Variants in SLC9A1 observed in about 807,000 individuals in gnomAD.
The protein encoded by SLC9A1 is solute carrier family 9 member A1.
A neutral mutation model predicts 67.9 loss-of-function variants in SLC9A1; 22 were observed. That is an observed-to-expected ratio of 0.32 (90% confidence interval 0.23 to 0.46). SLC9A1 has a LOEUF of 0.46. SLC9A1 is among the 20% of genes least tolerant of loss of function. SLC9A1 has a pLI of 1.00. For synonymous variants in SLC9A1, 421 were observed against 471.8 expected, an observed-to-expected ratio of 0.89 and a Z score of 1.40; for missense variants, 686 against 1,094.8, an observed-to-expected ratio of 0.63 and a Z score of 5.27.
intron 1 of SLC9A1, among the ~76,000 whole-genome samples, chr1:27,133,959 T>C (rs765519444): frequency 4.6e-5 from 7 of 151,948 alleles, no homozygotes; most frequent in Non-Finnish European, 8.8e-5. Context: ...GAGACGGAGT[T>C]TCACCATCTT....
intron 1 of SLC9A1, among the ~76,000 whole-genome samples, chr1:27,149,687 G>C (rs935319193): frequency 6.6e-6 from 1 of 152,206 alleles, no homozygotes; most frequent in East Asian, 1.9e-4. Flanking sequence ...CAGCCTCTAC[G>C]TTGGTCTTAA....
intron 1 of SLC9A1, among the ~76,000 whole-genome samples, chr1:27,153,603 G>C (rs528480054): frequency 6.6e-6 from 1 of 152,364 alleles, no homozygotes; most frequent in East Asian, 1.9e-4. Context: ...TGACAGAGCA[G>C]AATGTGCCAC....
rs538760007 is a variant in SLC9A1, at chr1:27,141,094, G to A, written c.352+12889C>T. Among the ~76,000 whole-genome samples, 13 of 152,296 alleles carry A rather than the reference G, an allele frequency of 8.5e-5. No homozygotes were observed. The South Asian group carries it at 2.7e-3, about 32-fold the overall frequency. ...GTGGTGGCACAAGCCTGTAATCCCAGCTACTCGGGAGGCAGGAGAATCGCT... is the reference window on the plus strand; with the variant it reads ...GTGGTGGCACAAGCCTGTAATCCCAACTACTCGGGAGGCAGGAGAATCGCT... On this transcript the variant is annotated intron_variant, in intron 1 of 11. Transcript: ENST00000263980.
At chr1:27,105,504 G>C (rs2083177235) in intron 5 of SLC9A1, 1 of 577,668 alleles carries the variant, frequency 1.7e-6, no homozygotes. Context: ...CACCATGTTA[G>C]TCAGGCTGGT....
At position 27,107,883 on chromosome 1, in the gene SLC9A1, G is replaced by A. The variant is rs368149607; in HGVS notation, c.1065-18C>T. The A allele has an allele frequency of 4.3e-5, 68 of 1,564,012 alleles. No individual in the cohort carries two copies. In the African/African-American group the frequency reaches 7.1e-4, roughly 16 times the overall value. On this transcript the variant is annotated intron_variant, in intron 3 of 11. Coordinates refer to ENST00000263980, the MANE Select transcript of SLC9A1 (RefSeq NM_003047.5). ...CTATGAGCCTGGAGCAGGAAAGAGCGGGGTCAGGGCTCCGTGTCGAGCTGC... is the reference window on the plus strand; with the variant it reads ...CTATGAGCCTGGAGCAGGAAAGAGCAGGGTCAGGGCTCCGTGTCGAGCTGC...
rs759415802 is a variant in SLC9A1, at chr1:27,154,042, T to C, written c.293A>G (p.His98Arg). 1 of 1,608,632 alleles carries C rather than the reference T, an allele frequency of 6.2e-7. No homozygotes were observed. Among genetic ancestry groups the C allele is most frequent in the Non-Finnish European group, 8.5e-7 (1 of 1,176,660 alleles). ...AFPVLGIDYT[H>R]VRTPFEISLW... ...GGAGATCTCGAAGGGGGTGCGCACG[T>C]GTGTGTAGTCGATGCCCAGGACTGG... Residue 98 changes from histidine (H) to arginine (R), a missense_variant, in exon 1 of 12, where the codon CAC becomes CGC. By Grantham distance (29) the His-to-Arg change is conservative. Transcript: ENST00000263980.
intron 1 of SLC9A1, among the ~76,000 whole-genome samples, chr1:27,140,900 A>G (rs1269898330): frequency 6.6e-6 from 1 of 152,102 alleles, no homozygotes. Flanking sequence ...GTCAGGCTAT[A>G]TGACACCAGG....
chr1:27,147,040 G>A (rs2124212406), intron 1 of SLC9A1, among the ~76,000 whole-genome samples: 1 of 152,136 alleles, frequency 6.6e-6, no homozygotes, highest in South Asian at 2.1e-4. Context: ...GGGAGGCTGA[G>A]GCGGGCAGAT....
In SLC9A1 at chr1:27,154,156, A is replaced by T; in HGVS notation, c.179T>A (p.Val60Asp). The change falls in exon 1 of 12, where the codon GTC (valine) becomes GAC (aspartate). Residue 60 changes from valine to aspartate, a missense_variant. By Grantham distance (152) the Val-to-Asp change is radical. This residue lies in a region of SLC9A1 where 143 missense variants were observed against 166.7 expected (regional missense o/e 0.86). Transcript: ENST00000263980. Reference protein sequence around the residue: ...EPPRERSIGDVTTAPPEVTPE... With the variant: ...EPPRERSIGDDTTAPPEVTPE... ...GGTGACCTCCGGTGGAGCGGTGGTG[A>T]CATCCCCAATCGAGCGTTCTCGTGG... 1 of 1,614,134 alleles carries T rather than the reference A, an allele frequency of 6.2e-7. No homozygotes were observed. The highest frequency in any genetic ancestry group is 1.1e-5 in the South Asian group (1 of 91,082).
chr1:27,099,806 AGT>A lies in SLC9A1; in HGVS notation c.*499_*500del, dbSNP rs2083126329. On this transcript the variant is annotated 3_prime_UTR_variant, in exon 12 of 12. Coordinates refer to ENST00000263980, the MANE Select transcript of SLC9A1 (RefSeq NM_003047.5). ...CCAGGGTGACAGAGCTGGCAGGAGG[AGT>A]GTGAGACCTTGGTGGGTCAGCAGTC... 1 of 154,196 alleles carries A rather than the reference AGT, an allele frequency of 6.5e-6. No homozygotes were observed. Among genetic ancestry groups the A allele is most frequent in the African/African-American group, 2.4e-5 (1 of 41,456 alleles). 9.6% of individuals were successfully genotyped at this position (154,196 alleles called of 1,614,324 possible).
At chr1:27,104,452 A>G (rs2083170329) in intron 5 of SLC9A1, among the ~76,000 whole-genome samples, 1 of 152,160 alleles carries the variant, frequency 6.6e-6, no homozygotes, top group South Asian at 2.1e-4. Context: ...CACAGGCTCA[A>G]TCACAGCTCA....
intron 1 of SLC9A1, among the ~76,000 whole-genome samples, chr1:27,144,632 T>C (rs146942037): frequency 3.9e-5 from 6 of 152,368 alleles, no homozygotes; most frequent in African/African-American, 1.4e-4. Flanking sequence ...ATCCTATCTT[T>C]ACACTGAAGT....
Position 27,101,583 on chromosome 1 carries a change from A to G in SLC9A1, c.2037+142T>C. The G allele has an allele frequency of 1.5e-6, 1 of 672,070 alleles. No homozygotes were observed. The highest frequency in any genetic ancestry group is 2.6e-6 in the Non-Finnish European group (1 of 379,646). The allele number at this position is 672,070 out of a possible 1,614,324, so 41.6% of individuals were successfully genotyped here. A position where few individuals can be genotyped will look rare whatever the true frequency, so the allele number is the denominator to read the frequency against. On this transcript the variant is annotated intron_variant, in intron 10 of 11. Transcript: ENST00000263980. This position sits in a 1 kb window ranked among gnomAD's most constrained non-coding sequence, Gnocchi z 4.9. Reference sequence around the variant, plus strand: ...CACGCCAATCCCTTGCTTAGAACTCATGGCTCTCCATGCCCTTACACTGCT... The same window carrying G: ...CACGCCAATCCCTTGCTTAGAACTCGTGGCTCTCCATGCCCTTACACTGCT...
chr1:27,126,983 TAGA>T (rs937704063), intron 1 of SLC9A1, among the ~76,000 whole-genome samples: 4 of 151,542 alleles, frequency 2.6e-5, no homozygotes, highest in Non-Finnish European at 5.9e-5. Context: ...GTGGTACAGG[TAGA>T]AGATTTATTT....
At chr1:27,130,434 T>A (rs1213077662) in intron 1 of SLC9A1, among the ~76,000 whole-genome samples, 1 of 152,186 alleles carries the variant, frequency 6.6e-6, no homozygotes, top group African/African-American at 2.4e-5. Flanking sequence ...TCCCTAGCAG[T>A]ACCAGTGTGC....
chr1:27,151,312 C>T (rs2083525750), intron 1 of SLC9A1, among the ~76,000 whole-genome samples: 1 of 152,116 alleles, frequency 6.6e-6, no homozygotes, highest in Admixed American at 6.6e-5. Flanking sequence ...ATGTAATAAT[C>T]ACATTAATAG....
intron 5 of SLC9A1, chr1:27,105,511 T>C: frequency 1.7e-6 from 1 of 586,800 alleles, no homozygotes; most frequent in Non-Finnish European, 3.1e-6. Context: ...TTAGTCAGGC[T>C]GGTCTCAAAC....
In SLC9A1 at chr1:27,125,237, C is replaced by CTTTT. The variant is rs71010327; in HGVS notation, c.353-10955_353-10952dup. 6.7e-4 allele frequency among the ~76,000 whole-genome samples: 58 copies of CTTTT among 86,888 alleles called. 2 individuals carry two copies. Among genetic ancestry groups the CTTTT allele is most frequent in the Admixed American group, 1.5e-3 (8 of 5,264 alleles). 57.0% of individuals were successfully genotyped at this position (86,888 alleles called of 152,430 possible). A position where few individuals can be genotyped will look rare whatever the true frequency, so the allele number is the denominator to read the frequency against. ...CTCTTTTCCTTCCTTCCTTTTCTTTCTTTTTTTTTTTTTTTTTTTTTTTTT... is the reference window on the plus strand; with the variant it reads ...CTCTTTTCCTTCCTTCCTTTTCTTTCTTTTTTTTTTTTTTTTTTTTTTTTTTTTT... On this transcript the variant is annotated intron_variant, in intron 1 of 11. Transcript: ENST00000263980.
intron 1 of SLC9A1, among the ~76,000 whole-genome samples, chr1:27,120,270 C>T (rs946723305): frequency 4.6e-5 from 7 of 151,838 alleles, no homozygotes; most frequent in Non-Finnish European, 8.8e-5. Context: ...GGATTACAGG[C>T]ACCCACCATG....
Sources: allele counts gnomAD v4.1 joint callset (sites outside exome capture counted in the v4.1 genomes callset), GRCh38; gene constraint gnomAD v4.1.1; regional missense constraint gnomAD v4.1.1; non-coding constraint Gnocchi (gnomAD v3.1); transcripts MANE v1.5; gene names NCBI Gene and HGNC (gene_info 2026-07-23, HGNC 2026-07-21).